Variants in SPATA6 observed in about 807,000 individuals in gnomAD.
The protein encoded by SPATA6 is spermatogenesis-associated protein 6.
SPATA6 carries 56 observed loss-of-function variants against 65.3 expected under a neutral mutation model. That is an observed-to-expected ratio of 0.86 (90% CI 0.69 to 1.07). SPATA6 has a LOEUF of 1.07. Among genes scored for constraint, SPATA6 ranks in the 50% least tolerant of loss-of-function variants. The pLI is 0.00. For missense variants in SPATA6, 590 were observed against 594.8 expected, an observed-to-expected ratio of 0.99 and a Z score of 0.08; for synonymous variants, 199 against 213.2, an observed-to-expected ratio of 0.93 and a Z score of 0.58.
intron 3 of SPATA6, among the ~76,000 whole-genome samples, chr1:48,446,683 C>T (rs368883192): frequency 2.0e-5 from 3 of 151,998 alleles, no homozygotes; most frequent in East Asian, 3.8e-4. Flanking sequence ...TGAAGCAAAA[C>T]CTGATATTAA....
intron 7 of SPATA6, among the ~76,000 whole-genome samples, chr1:48,397,442 GT>G (rs1248934969): frequency 1.3e-5 from 2 of 151,504 alleles, no homozygotes; most frequent in South Asian, 2.1e-4. Flanking sequence ...AATTGCACCA[GT>G]TTTTTTTGGA....
At chr1:48,378,001 C>A (rs75558156) in intron 9 of SPATA6, among the ~76,000 whole-genome samples, 9,958 of 152,232 alleles carry the variant, frequency 0.065, 420 homozygotes, top group Non-Finnish European at 0.093. Context: ...GAAGAAGACA[C>A]CAAGGCCTCA....
At chr1:48,391,138 G>A (rs1011387157) in intron 8 of SPATA6, among the ~76,000 whole-genome samples, 3 of 151,180 alleles carry the variant, frequency 2.0e-5, no homozygotes, top group Non-Finnish European at 4.4e-5. Flanking sequence ...ACCAAGACAG[G>A]AGGATCTCCT....
the SPATA6 span, among the ~76,000 whole-genome samples, chr1:48,285,899 A>AC: frequency 1.3e-5 from 2 of 151,596 alleles, no homozygotes; most frequent in Non-Finnish European, 1.5e-5. Context: ...CTTGCCAGCC[A>AC]CCCCCCAACA....
chr1:48,337,305 C>T (rs1646087394), intron 11 of SPATA6, among the ~76,000 whole-genome samples: 3 of 151,252 alleles, frequency 2.0e-5, no homozygotes, highest in Non-Finnish European at 4.4e-5. Context: ...TCAGTAGATA[C>T]AATGGAATAA....
chr1:48,362,414 T>A (rs2148823840), intron 9 of SPATA6, among the ~76,000 whole-genome samples: 1 of 152,318 alleles, frequency 6.6e-6, no homozygotes, highest in Admixed American at 6.5e-5. Context: ...GACCACTTCA[T>A]TTTTATCTGC....
At chr1:48,384,563 G>A (rs928035510) in intron 9 of SPATA6, among the ~76,000 whole-genome samples, 1 of 151,892 alleles carries the variant, frequency 6.6e-6, no homozygotes. Context: ...AAATAATAAT[G>A]GTACCCAAAA....
At chr1:48,279,527 C>T in the SPATA6 span, among the ~76,000 whole-genome samples, 1 of 152,026 alleles carries the variant, frequency 6.6e-6, no homozygotes, top group Non-Finnish European at 1.5e-5. Flanking sequence ...GCAGGGGTTG[C>T]AATCCTAGTC....
chr1:48,451,610 G>C lies in SPATA6; in HGVS notation c.190-10C>G. On this transcript the variant is annotated splice_polypyrimidine_tract_variant and intron_variant, in intron 2 of 12. Transcript: ENST00000371847. Reference sequence around the variant, plus strand: ...CTGCGTCCGGGAACACCTATAGTGAGACGATACAGGGAGAGGCAGGAAGGA... The same window carrying C: ...CTGCGTCCGGGAACACCTATAGTGACACGATACAGGGAGAGGCAGGAAGGA... The C allele has an allele frequency of 6.2e-7, 1 of 1,607,232 alleles. No homozygotes were observed. Among genetic ancestry groups the C allele is most frequent in the Non-Finnish European group, 8.5e-7 (1 of 1,176,998 alleles).
At chr1:48,305,741 T>C (rs775412034) in intron 12 of SPATA6, 46 bp downstream of exon 12, 1 of 1,401,288 alleles carries the variant, frequency 7.1e-7, no homozygotes, top group South Asian at 1.3e-5. Flanking sequence ...AAAACAGTTA[T>C]TTTTATCAGA....
At chr1:48,455,723 A>G (rs1436721770) in intron 1 of SPATA6, among the ~76,000 whole-genome samples, 3 of 152,134 alleles carry the variant, frequency 2.0e-5, no homozygotes, top group African/African-American at 4.8e-5. Context: ...AAAATTTAAC[A>G]TTACATCCTT....
chr1:48,402,464 C>G (rs1022110695), intron 6 of SPATA6, among the ~76,000 whole-genome samples: 1 of 148,506 alleles, frequency 6.7e-6, no homozygotes, highest in African/African-American at 2.6e-5. Flanking sequence ...ATCTCTAAAA[C>G]AAGTCAATAA....
chr1:48,358,957 T>C (rs927915119), intron 10 of SPATA6, among the ~76,000 whole-genome samples: 1 of 152,198 alleles, frequency 6.6e-6, no homozygotes, highest in Non-Finnish European at 1.5e-5. Flanking sequence ...TTAACCAGGA[T>C]TGATTTCTTT....
At chr1:48,365,848 G>C (rs1462260475) in intron 9 of SPATA6, among the ~76,000 whole-genome samples, 4 of 152,160 alleles carry the variant, frequency 2.6e-5, no homozygotes, top group Non-Finnish European at 2.9e-5. Context: ...GGAGTGGTGA[G>C]AGAGGGCATC....
intron 3 of SPATA6, among the ~76,000 whole-genome samples, chr1:48,449,207 T>C (rs1370085959): frequency 6.6e-6 from 1 of 151,962 alleles, no homozygotes; most frequent in Non-Finnish European, 1.5e-5. Context: ...ATTAGAAAAA[T>C]AGTAATGTGC....
intron 11 of SPATA6, chr1:48,325,499 G>A: frequency 8.1e-7 from 1 of 1,235,132 alleles, no homozygotes; most frequent in Non-Finnish European, 1.2e-6. Context: ...CTGAGTTGAT[G>A]ATCTCATCAT....
At chr1:48,462,389 G>T (rs985381242) in intron 1 of SPATA6, among the ~76,000 whole-genome samples, 3 of 152,166 alleles carry the variant, frequency 2.0e-5, no homozygotes, top group Non-Finnish European at 4.4e-5. Flanking sequence ...GAATTTTCAA[G>T]AACTACAGAA....
At chr1:48,263,461 C>G in the SPATA6 span, among the ~76,000 whole-genome samples, 4 of 152,128 alleles carry the variant, frequency 2.6e-5, no homozygotes, top group Admixed American at 6.6e-5. Context: ...ATGTGCGCCC[C>G]TACATGACAC....
At chr1:48,393,840 C>G (rs756993019) in intron 8 of SPATA6, among the ~76,000 whole-genome samples, 18 of 152,068 alleles carry the variant, frequency 1.2e-4, no homozygotes, top group Non-Finnish European at 1.8e-4. Flanking sequence ...AGAGCCCAAG[C>G]TCTCTGGTAT....
Sources: allele counts gnomAD v4.1 joint callset (sites outside exome capture counted in the v4.1 genomes callset), GRCh38; gene constraint gnomAD v4.1.1; transcripts MANE v1.5; gene names NCBI Gene and HGNC (gene_info 2026-07-23, HGNC 2026-07-21).